The following INPP5K variants were observed in gnomAD, a reference collection of about 807,000 sequenced individuals.
The protein encoded by INPP5K is inositol polyphosphate-5-phosphatase K, also known as inositol polyphosphate 5-phosphatase K.
Under a neutral mutation model 53.5 loss-of-function variants are expected in INPP5K, and 35 were observed. That is an observed-to-expected ratio of 0.65 (90% CI 0.50 to 0.87). The LOEUF (loss-of-function observed/expected upper bound fraction) is 0.87, where lower values mean the gene tolerates loss of function less well. Ranked by LOEUF, INPP5K falls within the 40% of genes least tolerant of loss-of-function variation. The pLI is 0.00. For synonymous variants in INPP5K, 253 were observed against 232.8 expected (o/e 1.09, Z -0.79); for missense variants, 550 against 586.2 (o/e 0.94, Z 0.64).
chr17:1,504,939 C>T (rs1416720695), intron 7 of INPP5K, among the ~76,000 whole-genome samples: 3 of 152,232 alleles, frequency 2.0e-5, no homozygotes, highest in Non-Finnish European at 4.4e-5. Context: ...CTCTGCCACT[C>T]ACTGGCTGAG....
chr17:1,506,890 C>G, intron 7 of INPP5K, 90 bp downstream of exon 7: 1 of 899,372 alleles, frequency 1.1e-6, no homozygotes, highest in South Asian at 1.6e-5. Flanking sequence ...CCTGCCCCCC[C>G]TAACACTTCT....
At chr17:1,508,745 GGCGGGGAACA>G (rs1217408239) in intron 5 of INPP5K, among the ~76,000 whole-genome samples, 5 of 144,776 alleles carry the variant, frequency 3.5e-5, no homozygotes, top group African/African-American at 1.3e-4. Flanking sequence ...TGGGGCAGAG[GGCGGGGAACA>G]GTCTGCAGAC....
intron 1 of INPP5K, chr17:1,516,016 G>A (rs1391721069): frequency 2.0e-6 from 2 of 1,006,726 alleles, no homozygotes; most frequent in Non-Finnish European, 2.4e-6. Flanking sequence ...GAAAGAGCAG[G>A]CAAGAGACCA....
chr17:1,513,879 C>G lies in INPP5K; in HGVS notation c.145G>C (p.Val49Leu). 6.2e-7 allele frequency: 1 copy of G among 1,611,410 alleles called. No homozygotes were observed. Among genetic ancestry groups the G allele is most frequent in the Non-Finnish European group, 8.5e-7 (1 of 1,177,922 alleles). The change falls in exon 2 of 12, where the codon GTT becomes CTT. Residue 49 changes from valine (V) to leucine (L), a missense_variant. Val to Leu is a conservative substitution (Grantham distance 32). Coordinates refer to ENST00000421807, the MANE Select transcript of INPP5K (RefSeq NM_016532.4). ...GAGCCTGCAGATACCTACCCAATAA[C>G]ATATATGTCAAGATTGAGGTTCCGG... ...NNRNLNLDIY[V>L]IGLQELNSGI...
Position 1,509,206 on chromosome 17 carries a change from G to A in INPP5K, c.526C>T (p.Arg176Ter), listed in dbSNP as rs781375794. Residue 176 changes from arginine to a stop codon, truncating the protein, a stop_gained, in exon 5 of 12, where the codon CGA (arginine) becomes TGA (stop). Coordinates refer to ENST00000421807, the MANE Select transcript of INPP5K (RefSeq NM_016532.4). LOFTEE classifies it high-confidence loss of function. ...TGGTCCAGGATGTTTGGGATGTCTC[G>A]CCCCTCACAATTCTGCATCTCCAGG... ...RILEMQNCEG[R>*]DIPNILDHDL... 13 of 1,613,488 alleles carry A rather than the reference G, an allele frequency of 8.1e-6. No individual in the cohort carries two copies. Among genetic ancestry groups the A allele is most frequent in the South Asian group, 2.2e-5 (2 of 91,042 alleles).
chr17:1,513,410 T>C lies in INPP5K; in HGVS notation c.261+43A>G, dbSNP rs530751667. The C allele has an allele frequency of 1.3e-5, 19 of 1,418,224 alleles. 1 individual carries two copies. The South Asian group carries it at 1.8e-4, about 14-fold the overall frequency. 87.9% of individuals were successfully genotyped at this position (1,418,224 alleles called of 1,614,324 possible). ...CCCAACAAGCAGGGGTCAGTGGAGA[T>C]GTGAAAACACAGTTGTCAAGTGCCA... On this transcript the variant is annotated intron_variant, in intron 3 of 11. Transcript: ENST00000421807.
chr17:1,500,324 C>A (rs567601322), intron 7 of INPP5K, among the ~76,000 whole-genome samples: 3 of 152,336 alleles, frequency 2.0e-5, no homozygotes, highest in African/African-American at 7.2e-5. Context: ...CAGGGAGAGG[C>A]CTTTGCCGAA....
chr17:1,507,542 T>TGC (rs2075188713), intron 6 of INPP5K: 2 of 163,026 alleles, frequency 1.2e-5, no homozygotes, highest in Non-Finnish European at 1.3e-5. Context: ...CCTATTCTTC[T>TGC]TCTTTTTTTT....
Position 1,513,949 on chromosome 17 carries a change from C to G in INPP5K, c.75G>C (p.Ser25=), listed in dbSNP as rs377304934. ...SIHVVTWNVA[S]AAPPLDLSDL... ...CACTGAGATCTAGAGGGGGCGCTGC[C>G]GAAGCCACGTTCCAAGTCACGACGT... Residue 25 remains serine (S), a synonymous_variant, in exon 2 of 12, where the codon TCG becomes TCC. Transcript: ENST00000421807. 7.8e-5 allele frequency: 125 copies of G among 1,612,356 alleles called. No homozygotes were observed. The highest frequency in any genetic ancestry group is 5.0e-4 in the Middle Eastern group (3 of 6,054).
intron 7 of INPP5K, among the ~76,000 whole-genome samples, chr17:1,500,364 A>G (rs2003239): frequency 0.59 from 88,697 of 150,804 alleles, 26,299 homozygotes; most frequent in Middle Eastern, 0.66. Flanking sequence ...TTTTGCTTCC[A>G]AAGTTTTTTT....
rs1353436910 is a variant in INPP5K, at chr17:1,509,253, C to T, written c.479G>A (p.Arg160Gln). Residue 160 changes from arginine to glutamine, a missense_variant, in exon 5 of 12, where the codon CGG becomes CAG. Transcript: ENST00000421807. ...LPPHISNNYQ[R>Q]LEHFDRILEM... is the part of the protein sequence containing the mutation. ...CAGGATCCGGTCAAAGTGCTCCAGC[C>T]GCTGGTAATTGTTGGAAATGTGGGG... The T allele has an allele frequency of 5.0e-6, 8 of 1,614,054 alleles. No homozygotes were observed. In the East Asian group the frequency reaches 6.7e-5, roughly 13 times the overall value.
intron 3 of INPP5K, among the ~76,000 whole-genome samples, chr17:1,510,153 A>T (rs1490581688): frequency 6.6e-6 from 1 of 152,352 alleles, no homozygotes; most frequent in East Asian, 1.9e-4. Flanking sequence ...TTTCTCATTG[A>T]TAAAGTAGGA....
In INPP5K at chr17:1,513,915, G is replaced by T; in HGVS notation, c.109C>A (p.Gln37Lys). Residue 37 changes from glutamine to lysine, a missense_variant, in exon 2 of 12, where the codon CAG becomes AAG. Gln to Lys is a moderately conservative substitution (Grantham distance 53). Coordinates refer to ENST00000421807, the MANE Select transcript of INPP5K (RefSeq NM_016532.4). ...AGATTGAGGTTCCGGTTGTTCAGCT[G>T]AAGCAGGTCACTGAGATCTAGAGGG... The part of the protein sequence containing the change: ...APPLDLSDLL[Q>K]LNNRNLNLDI... The T allele has an allele frequency of 6.2e-7, 1 of 1,613,648 alleles. No homozygotes were observed. Among genetic ancestry groups the T allele is most frequent in the South Asian group, 1.1e-5 (1 of 90,986 alleles).
rs1598362224 is a variant in INPP5K, at chr17:1,498,138, G to A, written c.777-16C>T. The A allele has an allele frequency of 6.3e-7, 1 of 1,575,978 alleles. No individual in the cohort carries two copies. The highest frequency in any genetic ancestry group is 2.3e-5 in the East Asian group (1 of 44,154). On this transcript the variant is annotated splice_polypyrimidine_tract_variant and intron_variant, in intron 7 of 11. Transcript: ENST00000421807. ...TTTTTTCTCACTGCAGGGGCAGGGG[G>A]CATAAAGAGGAAGAATGGGGAAAGA...
At chr17:1,508,865 C>A (rs1285798334) in intron 5 of INPP5K, 3 of 283,448 alleles carry the variant, frequency 1.1e-5, no homozygotes, top group Admixed American at 6.6e-5. Context: ...GGGCGGGGAA[C>A]GGTCTGCAGA....
At chr17:1,503,030 C>G (rs1209758088) in intron 7 of INPP5K, among the ~76,000 whole-genome samples, 1 of 152,050 alleles carries the variant, frequency 6.6e-6, no homozygotes, top group Admixed American at 6.6e-5. Context: ...GCTGGGACTA[C>G]GGGTATGTGC....
At chr17:1,505,535 C>T (rs188812496) in intron 7 of INPP5K, among the ~76,000 whole-genome samples, 3 of 152,218 alleles carry the variant, frequency 2.0e-5, no homozygotes, top group East Asian at 1.9e-4. Flanking sequence ...TTGCCCAGGG[C>T]GGGTCCCTTC....
Position 1,515,855 on chromosome 17 carries a change from CTTT to C in INPP5K, c.44+598_44+600del, listed in dbSNP as rs2150996594. ...CGACAGAGGCTTAAGGAACAAAGAC[CTTT>C]TACTCAGAGACTTCTTTTCCCAGAC... On this transcript the variant is annotated intron_variant, in intron 1 of 11. Transcript: ENST00000421807. The C allele has an allele frequency of 4.2e-6, 4 of 952,134 alleles. No homozygotes were observed. The African/African-American group carries it at 7.1e-5, about 17-fold the overall frequency. 59.0% of individuals were successfully genotyped at this position (952,134 alleles called of 1,614,324 possible).
At chr17:1,502,182 T>A (rs2075039631) in intron 7 of INPP5K, among the ~76,000 whole-genome samples, 1 of 149,416 alleles carries the variant, frequency 6.7e-6, no homozygotes, top group Non-Finnish European at 1.5e-5. Context: ...ACCCCGTCTC[T>A]ACTAAAAATA....
Sources: gnomAD v4.1 joint callset for allele counts (sites outside exome capture counted in the v4.1 genomes callset) on GRCh38, gnomAD v4.1.1 for gene constraint, MANE v1.5 for transcripts, NCBI Gene and HGNC (gene_info 2026-07-23, HGNC 2026-07-21) for gene names.